The following VWF variants were observed in gnomAD, a reference collection of about 807,000 sequenced individuals.
VWF encodes the protein von Willebrand factor.
Under a neutral mutation model 308.6 loss-of-function variants are expected in VWF, and 176 were observed. The observed-to-expected ratio is 0.57, with a 90% CI of 0.50 to 0.65. The LOEUF (loss-of-function observed/expected upper bound fraction) is 0.65, where lower values mean the gene tolerates loss of function less well. Among genes scored for constraint, VWF ranks in the 30% least tolerant of loss-of-function variants. VWF has a pLI of 0.00. For synonymous variants in VWF, 1,385 were observed against 1,443.4 expected (o/e 0.96, Z 0.92); for missense variants, 3,146 against 3,648.2 (o/e 0.86, Z 3.55).
intron 42 of VWF, among the ~76,000 whole-genome samples, chr12:5,979,834 G>A (rs1943575574): frequency 1.3e-5 from 2 of 151,440 alleles, no homozygotes; most frequent in Non-Finnish European, 2.9e-5. Flanking sequence ...AAGGTCAGGA[G>A]ATCGAGACCA....
intron 10 of VWF, 44 bp downstream of exon 10, chr12:6,071,253 C>T: frequency 6.2e-7 from 1 of 1,611,184 alleles, no homozygotes; most frequent in Non-Finnish European, 8.5e-7. Flanking sequence ...AGACGCCTCC[C>T]CGATTCAGGG....
At chr12:5,983,990 A>C (rs145242933) in intron 40 of VWF, among the ~76,000 whole-genome samples, 1 of 109,998 alleles carries the variant, frequency 9.1e-6, no homozygotes, top group African/African-American at 3.5e-5. Flanking sequence ...ATAGATAGAT[A>C]GATAGATAGA....
At chr12:6,067,333 T>G (rs1476360260) in intron 10 of VWF, among the ~76,000 whole-genome samples, 2 of 152,232 alleles carry the variant, frequency 1.3e-5, no homozygotes, top group Non-Finnish European at 2.9e-5. Context: ...CCCCTGCCTT[T>G]CTGTGTTTTC....
chr12:5,985,710 T>C, intron 38 of VWF, 45 bp from the exon 39 acceptor site: 1 of 1,575,410 alleles, frequency 6.3e-7, no homozygotes. Flanking sequence ...ACATTCTAGG[T>C]ACGAAGCCCA....
At chr12:6,071,176 C>T (rs747371274) in intron 10 of VWF, 121 bp downstream of exon 10, 109 of 1,199,432 alleles carry the variant, frequency 9.1e-5, no homozygotes, top group Middle Eastern at 2.5e-4. Context: ...TTGCAGCCAA[C>T]CTGTGCAGAG....
intron 37 of VWF, among the ~76,000 whole-genome samples, chr12:5,992,898 G>A (rs1449270860): frequency 6.6e-6 from 1 of 152,194 alleles, no homozygotes; most frequent in Non-Finnish European, 1.5e-5. Context: ...ACTAACATTT[G>A]CCCCTTGATT....
chr12:6,119,358 G>C (rs1461456198), intron 3 of VWF, among the ~76,000 whole-genome samples: 3 of 152,192 alleles, frequency 2.0e-5, no homozygotes, highest in Non-Finnish European at 4.4e-5. Context: ...ACAGCTCTCC[G>C]GGTGGTCCTG....
At chr12:6,068,797 A>AT (rs140243191) in intron 10 of VWF, among the ~76,000 whole-genome samples, 18,462 of 115,508 alleles carry the variant, frequency 0.16, 1,640 homozygotes, top group African/African-American at 0.27. Context: ...CCCAAGATGC[A>AT]TTTTTTTTTC....
chr12:6,091,760 T>TC (rs1444501396), intron 6 of VWF, among the ~76,000 whole-genome samples: 1 of 151,996 alleles, frequency 6.6e-6, no homozygotes, highest in African/African-American at 2.4e-5. Context: ...AAAGCCCAAC[T>TC]CCCCAAGAGA....
chr12:6,002,923 T>C (rs938366813), intron 34 of VWF, among the ~76,000 whole-genome samples: 2 of 150,370 alleles, frequency 1.3e-5, no homozygotes, highest in Non-Finnish European at 1.5e-5. Context: ...GGGAAGATGG[T>C]GGAGTAAGAA....
At chr12:6,083,536 G>A (rs1400470869) in intron 6 of VWF, among the ~76,000 whole-genome samples, 1 of 152,226 alleles carries the variant, frequency 6.6e-6, no homozygotes, top group Non-Finnish European at 1.5e-5. Flanking sequence ...CGGCACTCCA[G>A]CCTGGGCAAG....
intron 10 of VWF, among the ~76,000 whole-genome samples, chr12:6,068,881 A>T: frequency 8.3e-6 from 1 of 120,516 alleles, no homozygotes; most frequent in African/African-American, 3.7e-5. Flanking sequence ...TGTGTGTGAT[A>T]GGATCTCTGT....
At chr12:6,023,092 T>G (rs546189621) in intron 25 of VWF, among the ~76,000 whole-genome samples, 194 bp from the exon 26 acceptor site, 69 of 152,184 alleles carry the variant, frequency 4.5e-4, no homozygotes, top group Non-Finnish European at 8.7e-4. Context: ...TCATTTCTTT[T>G]TTTAATTTTT....
At chr12:6,015,730 C>A (rs1012893856) in intron 31 of VWF, among the ~76,000 whole-genome samples, 4 of 152,156 alleles carry the variant, frequency 2.6e-5, no homozygotes, top group African/African-American at 9.7e-5. Flanking sequence ...GTTCTCAAGG[C>A]CCTACAATGA....
intron 17 of VWF, among the ~76,000 whole-genome samples, chr12:6,045,817 C>T (rs1944441753): frequency 6.6e-6 from 1 of 152,228 alleles, no homozygotes; most frequent in African/African-American, 2.4e-5. Flanking sequence ...AGAGTCCTTT[C>T]TAAGCAAGGA....
At chr12:5,964,230 A>ACATACATACATACATACATG (rs1201300628) in intron 47 of VWF, among the ~76,000 whole-genome samples, 1 of 140,412 alleles carries the variant, frequency 7.1e-6, no homozygotes, top group African/African-American at 3.1e-5. Context: ...ATACATACAT[A>ACATACATACATACATACATG]CATACATACA....
chr12:6,106,062 G>A (rs73266865), intron 5 of VWF, among the ~76,000 whole-genome samples: 13,549 of 151,990 alleles, frequency 0.089, 1,645 homozygotes, highest in African/African-American at 0.28. Context: ...AAGAAGAATT[G>A]AAAGCAGGGT....
At chr12:6,032,089 G>A (rs1404592522) in intron 20 of VWF, among the ~76,000 whole-genome samples, 5 of 152,198 alleles carry the variant, frequency 3.3e-5, no homozygotes, top group African/African-American at 9.6e-5. Context: ...GATGAGTAGA[G>A]AGGATAAGGA....
rs1943472901 is a variant in VWF at position 5,971,454 on chromosome 12, G to A, written c.7548+145C>T. On this transcript the variant is annotated intron_variant, in intron 44 of 51. Coordinates refer to ENST00000261405, the MANE Select transcript of VWF (RefSeq NM_000552.5). Reference sequence around the variant, plus strand: ...GGTTCCTAAGGGGCAGGTCATCCCAGCTGGCATCTGGATAACACCAACAGC... The same window carrying A: ...GGTTCCTAAGGGGCAGGTCATCCCAACTGGCATCTGGATAACACCAACAGC... The A allele has an allele frequency of 1.6e-5, 11 of 695,274 alleles. No homozygotes were observed. In the South Asian group the frequency reaches 1.8e-4, roughly 12 times the overall value. 43.1% of individuals were successfully genotyped at this position (695,274 alleles called of 1,614,324 possible).
Sources: allele counts gnomAD v4.1 joint callset (sites outside exome capture counted in the v4.1 genomes callset), GRCh38; gene constraint gnomAD v4.1.1; transcripts MANE v1.5; gene names NCBI Gene and HGNC (gene_info 2026-07-23, HGNC 2026-07-21).